FOCAD: variants seen among roughly 807,000 people sequenced by gnomAD.
FOCAD encodes focadhesin.
Under a neutral mutation model 225.6 loss-of-function variants are expected in FOCAD, and 198 were observed. That is an observed-to-expected ratio of 0.88 (90% CI 0.78 to 0.99). The LOEUF (loss-of-function observed/expected upper bound fraction) is 0.99, where lower values mean the gene tolerates loss of function less well. FOCAD is among the 50% of genes least tolerant of loss of function. FOCAD has a pLI of 0.00. For synonymous variants in FOCAD, 897 were observed against 755.0 expected, an observed-to-expected ratio of 1.19 and a Z score of -3.08; for missense variants, 2,713 against 2,123.6, an observed-to-expected ratio of 1.28 and a Z score of -5.46.
At chr9:20,754,862 G>A (rs1828906935) in intron 5 of FOCAD, among the ~76,000 whole-genome samples, 1 of 152,092 alleles carries the variant, frequency 6.6e-6, no homozygotes. Context: ...GGGCAGTTGT[G>A]CAATGAAGTT....
intron 23 of FOCAD, 136 bp from the exon 24 acceptor site, chr9:20,916,757 C>T (rs182556223): frequency 2.3e-4 from 174 of 758,108 alleles, no homozygotes; most frequent in Middle Eastern, 1.7e-3. Flanking sequence ...GTTCTTTCAC[C>T]TTATACTGAA....
intron 41 of FOCAD, 45 bp downstream of exon 41, chr9:20,988,474 C>G: frequency 9.7e-7 from 1 of 1,028,370 alleles, no homozygotes; most frequent in Non-Finnish European, 1.4e-6. Context: ...AAATACAGAA[C>G]TTATATTAGG....
chr9:20,691,145 G>A (rs868638060), intron 1 of FOCAD, among the ~76,000 whole-genome samples: 3 of 152,140 alleles, frequency 2.0e-5, no homozygotes, highest in Middle Eastern at 3.4e-3. Context: ...GTTTCACCAC[G>A]TTGGCCAGAC....
At position 20,926,379 on chromosome 9, in the gene FOCAD, T is replaced by C. The variant is rs1834945049; in HGVS notation, c.3040T>C (p.Tyr1014His). 1 of 1,613,112 alleles carries C rather than the reference T, an allele frequency of 6.2e-7. No homozygotes were observed. The highest frequency in any genetic ancestry group is 8.5e-7 in the Non-Finnish European group (1 of 1,179,190). Residue 1014 changes from tyrosine (Y) to histidine (H), a missense_variant, in exon 26 of 44, where the codon TAC (tyrosine) becomes CAC (histidine). Tyr to His is a moderately conservative substitution (Grantham distance 83). Transcript: ENST00000338382. ...ACTCTTGGTCATTGTGGATAGCCAT[T>C]ACCAACCCAGAGGGCAACTTCTCTC... is the stretch of plus-strand genomic sequence containing the variant. ...DTLLVIVDSH[Y>H]QPRGQLLSWF...
chr9:20,721,491 C>T (rs10964674), intron 4 of FOCAD, among the ~76,000 whole-genome samples: 4,693 of 152,154 alleles, frequency 0.031, 88 homozygotes, highest in Middle Eastern at 0.051. Context: ...CACCTGACGT[C>T]AGGAGTTCGA....
chr9:20,708,077 T>C (rs577379074), intron 1 of FOCAD, among the ~76,000 whole-genome samples: 72 of 152,288 alleles, frequency 4.7e-4, no homozygotes, highest in African/African-American at 1.3e-3. Flanking sequence ...CCCCTCTTTT[T>C]TGAGGGACAG....
At chr9:20,814,555 C>G (rs934334085) in intron 11 of FOCAD, among the ~76,000 whole-genome samples, 1 of 152,006 alleles carries the variant, frequency 6.6e-6, no homozygotes, top group African/African-American at 2.4e-5. Flanking sequence ...TGGGATTTCA[C>G]TATGTTGACC....
chr9:20,656,013 T>A (rs1016768294), upstream of FOCAD, among the ~76,000 whole-genome samples: 1 of 152,070 alleles, frequency 6.6e-6, no homozygotes, highest in African/African-American at 2.4e-5. Context: ...CATCTTTATT[T>A]CTGCCTTCAT....
At chr9:20,788,220 C>A (rs985369424) in intron 10 of FOCAD, among the ~76,000 whole-genome samples, 1 of 152,090 alleles carries the variant, frequency 6.6e-6, no homozygotes, top group East Asian at 1.9e-4. Flanking sequence ...CACAAAGGAC[C>A]ACATATTATG....
intron 39 of FOCAD, among the ~76,000 whole-genome samples, chr9:20,983,671 C>T (rs1250583974): frequency 6.6e-6 from 1 of 151,822 alleles, no homozygotes; most frequent in Non-Finnish European, 1.5e-5. Context: ...AGAGGATGGA[C>T]TCTGGAGCCT....
intron 35 of FOCAD, among the ~76,000 whole-genome samples, chr9:20,969,604 A>G (rs1047218698): frequency 3.3e-5 from 5 of 151,986 alleles, no homozygotes; most frequent in Non-Finnish European, 5.9e-5. Flanking sequence ...TTACATTTGT[A>G]TACATTATGT....
chr9:20,732,061 T>C (rs1328512908), intron 4 of FOCAD, among the ~76,000 whole-genome samples: 1 of 152,200 alleles, frequency 6.6e-6, no homozygotes, highest in East Asian at 1.9e-4. Context: ...CACCTAGGTA[T>C]TAAGCCCAGC....
In FOCAD at chr9:20,794,818, G is replaced by A. The variant is rs544639384; in HGVS notation, c.1455+5210G>A. Among the ~76,000 whole-genome samples the A allele has an allele frequency of 1.8e-4, 27 of 151,922 alleles. No homozygotes were observed. In the South Asian group the frequency reaches 5.7e-3, roughly 32 times the overall value. On this transcript the variant is annotated intron_variant, in intron 11 of 43. Transcript: ENST00000338382. ...TTGAAAAAAACTAATTTTGAACCTG[G>A]CATATTTCTTCCCATTATTCTGTCT...
At chr9:20,811,614 G>C (rs974367894) in intron 11 of FOCAD, among the ~76,000 whole-genome samples, 1 of 152,018 alleles carries the variant, frequency 6.6e-6, no homozygotes, top group African/African-American at 2.4e-5. Flanking sequence ...AATCTTAGAA[G>C]AGTAAGATTA....
intron 36 of FOCAD, 57 bp from the exon 37 acceptor site, chr9:20,978,282 G>A: frequency 8.5e-7 from 1 of 1,182,132 alleles, no homozygotes; most frequent in South Asian, 1.7e-5. Context: ...ATTAAAGCCT[G>A]AAAATGAGTC....
At position 20,770,236 on chromosome 9, in the gene FOCAD, G is replaced by A. The variant is rs200516182; in HGVS notation, c.904G>A (p.Glu302Lys). 169 of 1,612,884 alleles carry A rather than the reference G, an allele frequency of 1.0e-4. No homozygotes were observed. The highest frequency in any genetic ancestry group is 1.3e-4 in the Non-Finnish European group (158 of 1,179,144). ...LLEHSVELLK[E>K]DFPVELVIIG... Reference sequence around the variant, plus strand: ...AGAGCACAGTGTTGAACTTCTGAAGGAGGTAAGGATAGTAGTATATTATAC... The same window carrying A: ...AGAGCACAGTGTTGAACTTCTGAAGAAGGTAAGGATAGTAGTATATTATAC... The change falls in exon 8 of 44, where the codon GAG (glutamate) becomes AAG (lysine). Residue 302 changes from glutamate (E) to lysine (K), a missense_variant and splice_region_variant. Transcript: ENST00000338382.
intron 11 of FOCAD, among the ~76,000 whole-genome samples, chr9:20,797,605 T>G (rs1821267203): frequency 6.6e-6 from 1 of 152,226 alleles, no homozygotes; most frequent in Admixed American, 6.5e-5. Flanking sequence ...CACTCATGAT[T>G]TGGCTCTCTG....
chr9:20,676,613 C>CAAG, intron 2 of FOCAD, among the ~76,000 whole-genome samples: 1 of 152,286 alleles, frequency 6.6e-6, no homozygotes, highest in South Asian at 2.1e-4. Context: ...TAAAAAGAAG[C>CAAG]AAGAGCTCCA....
chr9:20,923,157 A>G (rs1007475914), intron 24 of FOCAD, among the ~76,000 whole-genome samples: 2 of 152,178 alleles, frequency 1.3e-5, no homozygotes, highest in Admixed American at 6.5e-5. Flanking sequence ...AAAAATGAGT[A>G]AGAAAAGCTG....
Sources: gnomAD v4.1 joint callset for allele counts (sites outside exome capture counted in the v4.1 genomes callset) on GRCh38, gnomAD v4.1.1 for gene constraint, MANE v1.5 for transcripts, NCBI Gene and HGNC (gene_info 2026-07-23, HGNC 2026-07-21) for gene names.